CLYBL: variants seen among roughly 807,000 people sequenced by gnomAD.
The protein encoded by CLYBL is citramalyl-CoA lyase, mitochondrial.
A neutral mutation model predicts 38.9 loss-of-function variants in CLYBL; 31 were observed. The ratio of observed to expected loss-of-function variants is 0.80; its 90% CI spans 0.60 to 1.08. CLYBL has a LOEUF of 1.08. CLYBL is among the 50% of genes least tolerant of loss of function. CLYBL has a pLI of 0.00. For synonymous variants in CLYBL, 171 were observed against 158.6 expected (o/e 1.08, Z -0.59); for missense variants, 434 against 411.6 (o/e 1.05, Z -0.47).
At position 99,781,360 on chromosome 13, in the gene CLYBL, T is replaced by C. The variant is rs551134570; in HGVS notation, c.249+8350T>C. The stretch of plus-strand genomic sequence containing the variant: ...TAATTTTTTCTATTTTTAGTAGAGA[T>C]GGGGTTTCACTGTGTTAGCCAGGAT... On this transcript the variant is annotated intron_variant, in intron 2 of 8. Transcript: ENST00000339105. Among the ~76,000 whole-genome samples the C allele has an allele frequency of 7.8e-3, 1,188 of 151,906 alleles. 18 individuals carry two copies. Among genetic ancestry groups the C allele is most frequent in the African/African-American group, 0.028 (1,145 of 41,450 alleles).
At chr13:99,721,177 G>T (rs2139528338) in intron 1 of CLYBL, among the ~76,000 whole-genome samples, 1 of 151,884 alleles carries the variant, frequency 6.6e-6, no homozygotes. Flanking sequence ...CTGAGTAGCT[G>T]GGATTACAGG....
rs949722336 is a variant in CLYBL at position 99,646,582 on chromosome 13, C to T, written c.62+39825C>T. Among the ~76,000 whole-genome samples, 4 of 144,476 alleles carry T rather than the reference C, an allele frequency of 2.8e-5. No homozygotes were observed. In the East Asian group the frequency reaches 6.1e-4, roughly 22 times the overall value. The allele number at this position is 144,476 out of a possible 152,430, so 94.8% of individuals were successfully genotyped here. ...CGGCTGGAGTGCAGTGGCGTGATCT[C>T]GGCTCACTGCAACCTCTGCCTCTTG... On this transcript the variant is annotated intron_variant, in intron 1 of 8. Coordinates refer to ENST00000339105, the MANE Select transcript of CLYBL (RefSeq NM_206808.5).
chr13:99,846,888 C>T (rs1186301096), intron 2 of CLYBL, among the ~76,000 whole-genome samples: 1 of 152,204 alleles, frequency 6.6e-6, no homozygotes, highest in Admixed American at 6.5e-5. Flanking sequence ...CACCTTAGGG[C>T]ATCCTCATAC....
chr13:99,757,572 T>C (rs4255648), intron 1 of CLYBL, among the ~76,000 whole-genome samples: 151,050 of 152,302 alleles, frequency 0.99, 74,920 homozygotes, highest in East Asian at 1. Context: ...TCTCCTGCCT[T>C]GGCTGCCATT....
At chr13:99,691,966 A>ACTGTGCTCCCGGTCC (rs2047909497) in intron 1 of CLYBL, among the ~76,000 whole-genome samples, 1 of 152,182 alleles carries the variant, frequency 6.6e-6, no homozygotes, top group Non-Finnish European at 1.5e-5. Context: ...GAGTTTTCAG[A>ACTGTGCTCCCGGTCC]CTGATCTTTC....
At chr13:99,668,188 C>T (rs1298900135) in intron 1 of CLYBL, among the ~76,000 whole-genome samples, 1 of 151,692 alleles carries the variant, frequency 6.6e-6, no homozygotes, top group African/African-American at 2.4e-5. Flanking sequence ...GTGGGAGGAT[C>T]GTTTGAGCCC....
intron 1 of CLYBL, among the ~76,000 whole-genome samples, chr13:99,633,967 T>C (rs1203408678): frequency 2.0e-5 from 3 of 152,054 alleles, no homozygotes; most frequent in African/African-American, 7.3e-5. Flanking sequence ...GAAAAAATAT[T>C]TGAGGGGATA....
At chr13:99,655,599 T>A (rs2047319201) in intron 1 of CLYBL, among the ~76,000 whole-genome samples, 1 of 152,204 alleles carries the variant, frequency 6.6e-6, no homozygotes, top group Non-Finnish European at 1.5e-5. Context: ...GCGTCCTCTT[T>A]CATCCCACTA....
rs1257887768 is a variant in CLYBL at position 99,786,226 on chromosome 13, CTTTAAG to C, written c.249+13219_249+13224del. ...TTTTTTTTTTTTTTTTTTAATTATACTTTAAGTTCTAGGATACATGTGCACAATATG... is the reference window on the plus strand; with the variant it reads ...TTTTTTTTTTTTTTTTTTAATTATACTTCTAGGATACATGTGCACAATATG... On this transcript the variant is annotated intron_variant, in intron 2 of 8. Coordinates refer to ENST00000339105, the MANE Select transcript of CLYBL (RefSeq NM_206808.5). 9.7e-4 allele frequency among the ~76,000 whole-genome samples: 81 copies of C among 83,298 alleles called. 1 individual carries two copies. Among genetic ancestry groups the C allele is most frequent in the Non-Finnish European group, 1.8e-3 (76 of 42,872 alleles). 54.6% of individuals were successfully genotyped at this position (83,298 alleles called of 152,430 possible).
chr13:99,675,470 A>G (rs374505854), intron 1 of CLYBL, among the ~76,000 whole-genome samples: 2 of 152,144 alleles, frequency 1.3e-5, no homozygotes, highest in Non-Finnish European at 2.9e-5. Context: ...TTTTATTTCT[A>G]TCACTGTTTC....
At chr13:99,736,979 A>G (rs2048678560) in intron 1 of CLYBL, among the ~76,000 whole-genome samples, 1 of 152,218 alleles carries the variant, frequency 6.6e-6, no homozygotes, top group South Asian at 2.1e-4. Flanking sequence ...ATGAAAGCCA[A>G]AAAAAACCCT....
chr13:99,816,014 A>G (rs913671262), intron 2 of CLYBL, among the ~76,000 whole-genome samples: 1 of 152,258 alleles, frequency 6.6e-6, no homozygotes, highest in East Asian at 1.9e-4. Context: ...ATTCCAGTCA[A>G]ACAACTTAAC....
intron 1 of CLYBL, among the ~76,000 whole-genome samples, chr13:99,736,308 G>A (rs918040987): frequency 2.0e-5 from 3 of 151,304 alleles, no homozygotes; most frequent in African/African-American, 7.3e-5. Flanking sequence ...CAAAGTGTGG[G>A]GATTACAGTA....
chr13:99,862,907 AGACTT>A, intron 3 of CLYBL, 79 bp from the exon 4 acceptor site: 1 of 614,928 alleles, frequency 1.6e-6, no homozygotes. Flanking sequence ...CTCAGGTCAA[AGACTT>A]AAATACTACT....
At chr13:99,895,400 C>T (rs969118124), downstream of CLYBL, 2 of 152,252 alleles carry the variant, frequency 1.3e-5, no homozygotes, top group African/African-American at 4.8e-5. Context: ...GCCCCGAGCT[C>T]GTGGACGCGG....
Position 99,700,019 on chromosome 13 carries a change from TAATA to T in CLYBL, c.63-72790_63-72787del, listed in dbSNP as rs201102118. On this transcript the variant is annotated intron_variant, in intron 1 of 8. Coordinates refer to ENST00000339105, the MANE Select transcript of CLYBL (RefSeq NM_206808.5). ...AAAGTAAAATAAAATAAAATGAAAA[TAATA>T]AATAAATAAATAAACCTAATGTTAC... Among the ~76,000 whole-genome samples the T allele has an allele frequency of 3.7e-3, 569 of 151,764 alleles. 5 individuals are homozygous for T. The East Asian group carries it at 0.038, about 10-fold the overall frequency.
chr13:99,622,152 G>C (rs1405129927), intron 1 of CLYBL, among the ~76,000 whole-genome samples: 6 of 152,194 alleles, frequency 3.9e-5, no homozygotes, highest in Admixed American at 1.3e-4. Context: ...TTTCCACTTA[G>C]AAGCACCCTT....
chr13:99,894,193 C>T (rs61972385), downstream of CLYBL: 2,334 of 152,506 alleles, frequency 0.015, 35 homozygotes, highest in Non-Finnish European at 0.023. Context: ...TTTCCCCACC[C>T]GCGTCTCTGT....
intron 2 of CLYBL, among the ~76,000 whole-genome samples, chr13:99,844,399 C>T (rs1361220858): frequency 6.6e-6 from 1 of 152,210 alleles, no homozygotes; most frequent in Non-Finnish European, 1.5e-5. Flanking sequence ...TAGAAGAGGA[C>T]TGTGTATATA....
Sources: allele counts gnomAD v4.1 joint callset (sites outside exome capture counted in the v4.1 genomes callset), GRCh38; gene constraint gnomAD v4.1.1; transcripts MANE v1.5; gene names NCBI Gene and HGNC (gene_info 2026-07-23, HGNC 2026-07-21).